SV2C: variants seen among roughly 807,000 people sequenced by gnomAD.
SV2C encodes the protein solute carrier family 22 member B3.
Under a neutral mutation model 79.7 loss-of-function variants are expected in SV2C, and 49 were observed. The observed-to-expected ratio is 0.61, with a 90% CI of 0.49 to 0.78. SV2C has a LOEUF of 0.78. SV2C is among the 30% of genes least tolerant of loss of function. SV2C has a pLI of 0.00. For synonymous variants in SV2C, 334 were observed against 333.2 expected, an observed-to-expected ratio of 1.00 and a Z score of -0.03; for missense variants, 833 against 912.9, an observed-to-expected ratio of 0.91 and a Z score of 1.13.
chr5:76,270,300 G>A (rs1746801945), intron 4 of SV2C, among the ~76,000 whole-genome samples: 1 of 152,216 alleles, frequency 6.6e-6, no homozygotes, highest in Admixed American at 6.5e-5. Flanking sequence ...GGAAGTCTAA[G>A]TTGTGTGTGG....
At chr5:76,208,012 A>G (rs752241072) in intron 3 of SV2C, among the ~76,000 whole-genome samples, 32 of 152,120 alleles carry the variant, frequency 2.1e-4, no homozygotes, top group Non-Finnish European at 3.2e-4. Context: ...ATGGACTTGG[A>G]CTTGGTTGGC....
the SV2C span, among the ~76,000 whole-genome samples, chr5:75,984,528 T>C: frequency 7.3e-6 from 1 of 136,644 alleles, no homozygotes; most frequent in Non-Finnish European, 1.6e-5. Context: ...AAGTAAGAGA[T>C]CTATCTGCCT....
chr5:76,005,867 G>T, the SV2C span, among the ~76,000 whole-genome samples: 1 of 152,146 alleles, frequency 6.6e-6, no homozygotes, highest in African/African-American at 2.4e-5. Context: ...AGTAAGCCAA[G>T]ATTTTACCTC....
the SV2C span, among the ~76,000 whole-genome samples, chr5:75,961,221 T>TAGGA: frequency 6.6e-6 from 1 of 152,028 alleles, no homozygotes; most frequent in Non-Finnish European, 1.5e-5. Flanking sequence ...GATGACTGGA[T>TAGGA]TTAATTATTT....
chr5:76,273,330 T>C (rs967145588), intron 4 of SV2C, among the ~76,000 whole-genome samples: 1 of 152,034 alleles, frequency 6.6e-6, no homozygotes, highest in African/African-American at 2.4e-5. Context: ...GTCAGCTTTT[T>C]TCAACTCTCA....
At chr5:75,907,619 G>T in the SV2C span, among the ~76,000 whole-genome samples, 1 of 152,176 alleles carries the variant, frequency 6.6e-6, no homozygotes, top group Admixed American at 6.5e-5. Flanking sequence ...AAGAGCAAAG[G>T]TGATAACTGT....
At chr5:76,030,527 C>A in the SV2C span, among the ~76,000 whole-genome samples, 1 of 151,878 alleles carries the variant, frequency 6.6e-6, no homozygotes, top group Non-Finnish European at 1.5e-5. Context: ...GTAAGTAATG[C>A]TGATTTGCTC....
chr5:76,292,339 C>T (rs1747597150), intron 8 of SV2C, among the ~76,000 whole-genome samples: 1 of 152,192 alleles, frequency 6.6e-6, no homozygotes, highest in Admixed American at 6.5e-5. Flanking sequence ...GCAGCCCCTC[C>T]ACACTCCCTA....
At chr5:75,914,862 G>A in the SV2C span, among the ~76,000 whole-genome samples, 1 of 152,124 alleles carries the variant, frequency 6.6e-6, no homozygotes, top group Non-Finnish European at 1.5e-5. Flanking sequence ...TGACATACCT[G>A]AAACTGGGCA....
chr5:76,252,802 C>G (rs1426192155), intron 4 of SV2C, among the ~76,000 whole-genome samples: 1 of 152,174 alleles, frequency 6.6e-6, no homozygotes, highest in Non-Finnish European at 1.5e-5. Flanking sequence ...AGTAAAACTC[C>G]TTCCATTTGT....
At chr5:75,899,987 T>C in the SV2C span, among the ~76,000 whole-genome samples, 1 of 152,230 alleles carries the variant, frequency 6.6e-6, no homozygotes, top group Non-Finnish European at 1.5e-5. Flanking sequence ...GTTTCCTGAA[T>C]ACAGCACACT....
the SV2C span, among the ~76,000 whole-genome samples, chr5:75,967,388 G>C: frequency 6.6e-6 from 1 of 152,198 alleles, no homozygotes; most frequent in Non-Finnish European, 1.5e-5. Flanking sequence ...CCTCACCCGG[G>C]AAGCGCAAGG....
At chr5:76,253,708 GAAAAAA>G (rs11390195) in intron 4 of SV2C, among the ~76,000 whole-genome samples, 4 of 118,208 alleles carry the variant, frequency 3.4e-5, no homozygotes, top group African/African-American at 1.3e-4. Context: ...CCTCCCTAAG[GAAAAAA>G]AAAAAAAAAA....
At chr5:76,136,794 C>T (rs900110058) in intron 2 of SV2C, among the ~76,000 whole-genome samples, 2 of 152,124 alleles carry the variant, frequency 1.3e-5, no homozygotes, top group African/African-American at 4.8e-5. Flanking sequence ...GATGGCACTT[C>T]GGGAAGATGT....
At position 76,097,161 on chromosome 5, in the gene SV2C, G is replaced by A. The variant is rs553165502; in HGVS notation, c.-102+13649G>A. On this transcript the variant is annotated intron_variant, in intron 1 of 12. Coordinates refer to ENST00000502798, the MANE Select transcript of SV2C (RefSeq NM_014979.4). Reference sequence around the variant, plus strand: ...TAAGCAAAGCCTTGCCTTGCATGTCGCACAGTTTTCCAGTGTCCCAGCAGA... The same window carrying A: ...TAAGCAAAGCCTTGCCTTGCATGTCACACAGTTTTCCAGTGTCCCAGCAGA... Among the ~76,000 whole-genome samples, 8 of 152,142 alleles carry A rather than the reference G, an allele frequency of 5.3e-5. No homozygotes were observed. The East Asian group carries it at 7.7e-4, about 15-fold the overall frequency.
the SV2C span, among the ~76,000 whole-genome samples, chr5:75,977,072 T>C: frequency 6.6e-6 from 1 of 152,332 alleles, no homozygotes; most frequent in East Asian, 1.9e-4. Flanking sequence ...AAATATATTT[T>C]TGCATAAATG....
At chr5:76,037,354 T>G in the SV2C span, among the ~76,000 whole-genome samples, 1 of 152,180 alleles carries the variant, frequency 6.6e-6, no homozygotes, top group Non-Finnish European at 1.5e-5. Context: ...CTCTGCTCTG[T>G]TTTTTTCCCC....
chr5:75,927,977 TTCA>T, the SV2C span, among the ~76,000 whole-genome samples: 2 of 152,206 alleles, frequency 1.3e-5, no homozygotes, highest in African/African-American at 2.4e-5. Context: ...GAGTGTAACT[TTCA>T]TCGAGTGTCT....
At chr5:75,932,944 C>T in the SV2C span, among the ~76,000 whole-genome samples, 3 of 152,296 alleles carry the variant, frequency 2.0e-5, no homozygotes, top group South Asian at 6.2e-4. Flanking sequence ...TCATAATACG[C>T]TGTATCATCT....
Sources: gnomAD v4.1 joint callset for allele counts (sites outside exome capture counted in the v4.1 genomes callset) on GRCh38, gnomAD v4.1.1 for gene constraint, MANE v1.5 for transcripts, NCBI Gene and HGNC (gene_info 2026-07-23, HGNC 2026-07-21) for gene names.